The following MTHFD1L variants were observed in gnomAD, a reference collection of about 807,000 sequenced individuals.
MTHFD1L encodes the protein methylenetetrahydrofolate dehydrogenase (NADP+ dependent) 1 like, also known as monofunctional C1-tetrahydrofolate synthase, mitochondrial.
MTHFD1L carries 81 observed loss-of-function variants against 119.5 expected under a neutral mutation model. The ratio of observed to expected loss-of-function variants is 0.68; its 90% CI spans 0.57 to 0.82. The LOEUF is 0.82. Ranked by LOEUF, MTHFD1L falls within the 40% of genes least tolerant of loss-of-function variation. MTHFD1L has a pLI of 0.00. For missense variants in MTHFD1L, 1,125 were observed against 1,253.4 expected (o/e 0.90, Z 1.55); for synonymous variants, 430 against 475.2 (o/e 0.90, Z 1.24).
intron 20 of MTHFD1L, among the ~76,000 whole-genome samples, chr6:150,987,011 T>A (rs954115976): frequency 4.6e-5 from 7 of 152,170 alleles, no homozygotes; most frequent in African/African-American, 1.7e-4. Context: ...TGGGGACCTC[T>A]GTTCTAATAT....
chr6:151,002,077 C>T (rs746274850), intron 20 of MTHFD1L, among the ~76,000 whole-genome samples: 59 of 152,288 alleles, frequency 3.9e-4, no homozygotes, highest in African/African-American at 1.3e-3. Context: ...TTTAGAGCTA[C>T]TTGTTAAATG....
At chr6:150,964,465 T>C (rs1796907802) in intron 18 of MTHFD1L, among the ~76,000 whole-genome samples, 1 of 152,204 alleles carries the variant, frequency 6.6e-6, no homozygotes, top group African/African-American at 2.4e-5. Context: ...GGTAGTTTGT[T>C]GAGTTATTCT....
chr6:151,063,412 C>T (rs750066810), intron 26 of MTHFD1L, among the ~76,000 whole-genome samples: 8 of 152,148 alleles, frequency 5.3e-5, no homozygotes, highest in Non-Finnish European at 1.2e-4. Context: ...CATTTATTGC[C>T]TCGTTTGTCA....
At position 151,009,803 on chromosome 6, in the gene MTHFD1L, A is replaced by C. The variant is rs777890260; in HGVS notation, c.2126-16A>C. 1 of 1,613,226 alleles carries C rather than the reference A, an allele frequency of 6.2e-7. No homozygotes were observed. Among genetic ancestry groups the C allele is most frequent in the South Asian group, 1.1e-5 (1 of 90,854 alleles). On this transcript the variant is annotated splice_polypyrimidine_tract_variant and intron_variant, in intron 20 of 27. Transcript: ENST00000367321. ...TTTAGAAGATAATAGCACATATTCCACTTGCTTCCCCACAGTGACCGAAGC... is the reference window on the plus strand; with the variant it reads ...TTTAGAAGATAATAGCACATATTCCCCTTGCTTCCCCACAGTGACCGAAGC...
rs143160580 is a variant in MTHFD1L at position 150,997,807 on chromosome 6, T to C, written c.2126-12012T>C. Among the ~76,000 whole-genome samples the C allele has an allele frequency of 4.6e-5, 7 of 152,254 alleles. No individual in the cohort carries two copies. In the East Asian group the frequency reaches 1.3e-3, roughly 29 times the overall value. On this transcript the variant is annotated intron_variant, in intron 20 of 27. Coordinates refer to ENST00000367321, the MANE Select transcript of MTHFD1L (RefSeq NM_015440.5). ...CAAAAAAAATACATACACTGACTAATAACACCAGCAATATTGTTTCATGGG... is the reference window on the plus strand; with the variant it reads ...CAAAAAAAATACATACACTGACTAACAACACCAGCAATATTGTTTCATGGG...
At chr6:150,875,498 C>T (rs1315868818) in intron 1 of MTHFD1L, among the ~76,000 whole-genome samples, 1 of 152,066 alleles carries the variant, frequency 6.6e-6, no homozygotes, top group Non-Finnish European at 1.5e-5. Context: ...CTGTCTCTCT[C>T]TCTAGGAGGC....
intron 19 of MTHFD1L, among the ~76,000 whole-genome samples, chr6:150,965,424 G>A (rs1797047643): frequency 6.6e-6 from 1 of 152,108 alleles, no homozygotes; most frequent in South Asian, 2.1e-4. Context: ...ACTTTGTGAG[G>A]CCGAGGTGGG....
chr6:150,965,093 G>T, intron 19 of MTHFD1L, 56 bp downstream of exon 19: 1 of 1,502,226 alleles, frequency 6.7e-7, no homozygotes, highest in Non-Finnish European at 9.3e-7. Context: ...GCCACACAAT[G>T]TGAACATTTT....
chr6:151,012,019 CA>C (rs1043831602), intron 21 of MTHFD1L, among the ~76,000 whole-genome samples: 72 of 58,824 alleles, frequency 1.2e-3, no homozygotes, highest in African/African-American at 2.0e-3. Flanking sequence ...ACAACAACAA[CA>C]AAAAAAAAAA....
chr6:150,935,180 C>T (rs1399500140), intron 11 of MTHFD1L: 13 of 1,612,014 alleles, frequency 8.1e-6, no homozygotes, highest in South Asian at 1.1e-5. Flanking sequence ...AGTCACTTTT[C>T]ACTTCTGGGA....
chr6:151,048,356 C>T (rs2128568756), intron 26 of MTHFD1L, among the ~76,000 whole-genome samples: 1 of 152,296 alleles, frequency 6.6e-6, no homozygotes, highest in Non-Finnish European at 1.5e-5. Context: ...TCGCCTCACC[C>T]ACCATCTACT....
intron 21 of MTHFD1L, among the ~76,000 whole-genome samples, 149 bp from the exon 22 acceptor site, chr6:151,013,619 GAGTTTAGGTTT>G (rs2128488081): frequency 1.3e-5 from 2 of 152,274 alleles, no homozygotes; most frequent in South Asian, 4.1e-4. Context: ...CTTCCCGCAG[GAGTTTAGGTTT>G]AGCCAGTGCT....
intron 20 of MTHFD1L, among the ~76,000 whole-genome samples, chr6:150,972,807 G>T (rs1798160462): frequency 6.6e-6 from 1 of 152,176 alleles, no homozygotes. Context: ...TAATATAGGA[G>T]AGATTCCCAA....
At chr6:150,900,246 A>G (rs145792068) in intron 7 of MTHFD1L, among the ~76,000 whole-genome samples, 1 of 152,012 alleles carries the variant, frequency 6.6e-6, no homozygotes, top group East Asian at 1.9e-4. Flanking sequence ...TTTTGCTTTT[A>G]TCTTGCTTGA....
At chr6:150,981,976 A>G (rs753603876) in intron 20 of MTHFD1L, among the ~76,000 whole-genome samples, 2 of 152,052 alleles carry the variant, frequency 1.3e-5, no homozygotes, top group Non-Finnish European at 2.9e-5. Context: ...AGTTCCAGCT[A>G]CTCGGGAGGC....
At chr6:150,869,210 C>G (rs1470794777) in intron 1 of MTHFD1L, among the ~76,000 whole-genome samples, 1 of 152,000 alleles carries the variant, frequency 6.6e-6, no homozygotes, top group Admixed American at 6.5e-5. Flanking sequence ...GCCGAACGTG[C>G]AGGTTTGTTA....
intron 26 of MTHFD1L, chr6:151,056,186 G>A (rs1013107637): frequency 2.0e-5 from 3 of 151,978 alleles, no homozygotes; most frequent in African/African-American, 7.3e-5. Context: ...CATCCGTTAG[G>A]TTCATATTCT....
intron 26 of MTHFD1L, 47 bp downstream of exon 26, chr6:151,037,164 G>A (rs779737628): frequency 2.4e-5 from 38 of 1,597,302 alleles, no homozygotes; most frequent in Middle Eastern, 2.3e-4. Context: ...CTGCATTGCT[G>A]TGGTGCCTCA....
At chr6:150,968,135 G>GC (rs759577582) in intron 19 of MTHFD1L, among the ~76,000 whole-genome samples, 138 of 152,098 alleles carry the variant, frequency 9.1e-4, no homozygotes, top group Admixed American at 1.1e-3. Flanking sequence ...GGAATGTGCA[G>GC]CCCCCGTCCC....
Sources: allele counts gnomAD v4.1 joint callset (sites outside exome capture counted in the v4.1 genomes callset), GRCh38; gene constraint gnomAD v4.1.1; transcripts MANE v1.5; gene names NCBI Gene and HGNC (gene_info 2026-07-23, HGNC 2026-07-21).